FAM193A: variants seen among roughly 807,000 people sequenced by gnomAD.
FAM193A encodes protein FAM193A.
Under a neutral mutation model 126.5 loss-of-function variants are expected in FAM193A, and 22 were observed. The ratio of observed to expected loss-of-function variants is 0.17; its 90% CI spans 0.12 to 0.25. The LOEUF (loss-of-function observed/expected upper bound fraction) is 0.25. Ranked by LOEUF, FAM193A falls within the 10% of genes least tolerant of loss-of-function variation. The pLI is 1.00. For missense variants in FAM193A, 1,675 were observed against 1,672.8 expected, an observed-to-expected ratio of 1.00 and a Z score of -0.02; for synonymous variants, 761 against 646.8, an observed-to-expected ratio of 1.18 and a Z score of -2.68.
intron 1 of FAM193A, among the ~76,000 whole-genome samples, chr4:2,573,207 A>G (rs932420245): frequency 2.0e-5 from 3 of 151,804 alleles, no homozygotes; most frequent in African/African-American, 7.3e-5. Context: ...ACATGTGTGA[A>G]TCTGTGTTTT....
chr4:2,560,912 C>G (rs1738572557), intron 1 of FAM193A, among the ~76,000 whole-genome samples: 1 of 152,150 alleles, frequency 6.6e-6, no homozygotes. Flanking sequence ...CTCAGCCTCC[C>G]AAAGTACTGG....
chr4:2,663,355 A>G (rs1712715689), intron 12 of FAM193A, 67 bp downstream of exon 12: 3 of 1,234,312 alleles, frequency 2.4e-6, no homozygotes, highest in Non-Finnish European at 3.3e-6. Flanking sequence ...AAACATGAGC[A>G]TTACTGAATA....
At chr4:2,632,806 C>T (rs1379900033) in intron 5 of FAM193A, among the ~76,000 whole-genome samples, 1 of 152,120 alleles carries the variant, frequency 6.6e-6, no homozygotes, top group Non-Finnish European at 1.5e-5. Flanking sequence ...GCACAGCCTC[C>T]CCGTCTCTAC....
Position 2,626,496 on chromosome 4 carries a change from G to T in FAM193A, c.722G>T (p.Arg241Leu). The part of the protein sequence containing the change: ...EVRYTVRCIY[R>L]QAGTPLADDQ... ...CGCTACACGGTGCGCTGCATCTACC[G>T]CCAGGCAGGAACCCCGCTGGCAGAT... The change falls in exon 4 of 21, where the codon CGC (arginine) becomes CTC (leucine). Residue 241 changes from arginine to leucine, a missense_variant. Arg to Leu is a moderately radical substitution (Grantham distance 102, BLOSUM62 -2). Around this residue, in one of 4 missense-constraint regions of FAM193A, gnomAD observed 1,186 missense variants for 1,109.2 expected, o/e 1.07. Coordinates refer to ENST00000637812, the MANE Select transcript of FAM193A (RefSeq NM_001366318.2). 1.4e-6 allele frequency: 1 copy of T among 702,598 alleles called. No individual in the cohort carries two copies. The highest frequency in any genetic ancestry group is 2.6e-6 in the Non-Finnish European group (1 of 384,954). 43.5% of individuals were successfully genotyped at this position (702,598 alleles called of 1,614,324 possible).
chr4:2,635,444 A>G (rs1743994934), intron 5 of FAM193A, among the ~76,000 whole-genome samples: 1 of 152,270 alleles, frequency 6.6e-6, no homozygotes, highest in Admixed American at 6.5e-5. Flanking sequence ...GTAAACTCTC[A>G]TTAGATTACA....
At position 2,621,863 on chromosome 4, in the gene FAM193A, G is replaced by GCCC. The variant is rs199651867; in HGVS notation, c.502-3398_502-3396dup. On this transcript the variant is annotated intron_variant, in intron 2 of 20. Transcript: ENST00000637812. ...CCTCTTCTACCACTGCCCTCTCCTT[G>GCCC]CCCTACCATGCCTCTTCAGTCAGAA... is the stretch of plus-strand genomic sequence containing the variant. Among the ~76,000 whole-genome samples the GCCC allele has an allele frequency of 1.0e-3, 157 of 152,216 alleles. 1 individual carries two copies. In the East Asian group the frequency reaches 0.028, roughly 27 times the overall value.
At chr4:2,553,528 G>T (rs1381787424) in intron 1 of FAM193A, among the ~76,000 whole-genome samples, 1 of 151,624 alleles carries the variant, frequency 6.6e-6, no homozygotes, top group African/African-American at 2.4e-5. Flanking sequence ...CTACAGGCGC[G>T]CACCACCATG....
At chr4:2,563,097 A>G (rs186020922) in intron 1 of FAM193A, among the ~76,000 whole-genome samples, 46 of 151,736 alleles carry the variant, frequency 3.0e-4, no homozygotes, top group African/African-American at 1.0e-3. Context: ...GGCGCCTGCC[A>G]CCATGCCCAG....
chr4:2,683,245 G>A (rs77228605), intron 13 of FAM193A, among the ~76,000 whole-genome samples: 3,941 of 151,064 alleles, frequency 0.026, 183 homozygotes, highest in African/African-American at 0.09. Flanking sequence ...TTCTTCTGTA[G>A]GTCCACTTGC....
At chr4:2,610,393 G>T (rs901376934) in intron 2 of FAM193A, among the ~76,000 whole-genome samples, 2 of 152,188 alleles carry the variant, frequency 1.3e-5, no homozygotes, top group Non-Finnish European at 2.9e-5. Flanking sequence ...TGCTTGCCCT[G>T]TTGGGTTTTA....
At chr4:2,715,814 T>A (rs1719477457) in intron 19 of FAM193A, among the ~76,000 whole-genome samples, 1 of 152,232 alleles carries the variant, frequency 6.6e-6, no homozygotes, top group Non-Finnish European at 1.5e-5. Context: ...GTTGCTTTGC[T>A]TAGTGGACAT....
chr4:2,729,440 G>GC (rs2109441581), intron 20 of FAM193A, among the ~76,000 whole-genome samples: 1 of 152,272 alleles, frequency 6.6e-6, no homozygotes, highest in African/African-American at 2.4e-5. Context: ...ATCAGAGGCC[G>GC]GATGGGGCAC....
intron 1 of FAM193A, among the ~76,000 whole-genome samples, chr4:2,571,613 T>G (rs1305701735): frequency 1.3e-5 from 2 of 151,872 alleles, no homozygotes; most frequent in African/African-American, 4.8e-5. Flanking sequence ...TGATCTTGGC[T>G]CACTGCAAAC....
chr4:2,671,065 G>T (rs955955834), intron 12 of FAM193A, among the ~76,000 whole-genome samples: 1 of 152,154 alleles, frequency 6.6e-6, no homozygotes. Context: ...GGTTGCCCAT[G>T]CACCTTGAAT....
chr4:2,626,595 C>G lies in FAM193A; in HGVS notation c.803+18C>G, dbSNP rs1742988693. On this transcript the variant is annotated intron_variant, in intron 4 of 20. Transcript: ENST00000637812. ...GTGGATAGGTACATACTGCCCTTTC[C>G]TGTTGTGGCCCCATGCAAACCCCTG... 5.9e-6 allele frequency: 4 copies of G among 680,964 alleles called. No individual in the cohort carries two copies. The South Asian group carries it at 6.0e-5, about 10-fold the overall frequency. The allele number at this position is 680,964 out of a possible 1,614,324, so 42.2% of individuals were successfully genotyped here.
intron 13 of FAM193A, among the ~76,000 whole-genome samples, chr4:2,683,631 T>C (rs904325904): frequency 6.6e-5 from 10 of 152,372 alleles, no homozygotes; most frequent in South Asian, 4.1e-4. Context: ...GCAGGTTGAA[T>C]AGAATATGTC....
intron 7 of FAM193A, among the ~76,000 whole-genome samples, chr4:2,651,182 T>C (rs1745626800): frequency 6.6e-6 from 1 of 152,020 alleles, no homozygotes; most frequent in African/African-American, 2.4e-5. Context: ...AATACAAAAT[T>C]AGCCGAGCGT....
intron 1 of FAM193A, among the ~76,000 whole-genome samples, chr4:2,593,663 G>A (rs565938402): frequency 1.3e-5 from 2 of 152,310 alleles, no homozygotes; most frequent in East Asian, 3.9e-4. Context: ...GAGCTGAGCT[G>A]TGCGCTCTCT....
At chr4:2,717,160 G>A (rs1190122124) in intron 20 of FAM193A, among the ~76,000 whole-genome samples, 2 of 151,272 alleles carry the variant, frequency 1.3e-5, no homozygotes, top group African/African-American at 2.4e-5. Context: ...TTGTATTTTT[G>A]GTGGAAACAG....
Sources: gnomAD v4.1 joint callset for allele counts (sites outside exome capture counted in the v4.1 genomes callset) on GRCh38, gnomAD v4.1.1 for gene constraint, gnomAD v4.1.1 regional missense constraint, MANE v1.5 for transcripts, NCBI Gene and HGNC (gene_info 2026-07-23, HGNC 2026-07-21) for gene names.